RECQL4: variants seen among roughly 807,000 people sequenced by gnomAD.
RECQL4 encodes ATP-dependent DNA helicase Q4.
RECQL4 carries 158 observed loss-of-function variants against 128.6 expected under a neutral mutation model. The ratio of observed to expected loss-of-function variants is 1.23; its 90% CI spans 1.08 to 1.40. The LOEUF is 1.40. RECQL4 is among the 40% of genes most tolerant of loss of function. The pLI, the probability that RECQL4 is intolerant of heterozygous loss-of-function variation, is 0.00. For synonymous variants in RECQL4, 996 were observed against 678.9 expected, an observed-to-expected ratio of 1.47 and a Z score of -7.26; for missense variants, 2,293 against 1,649.8, an observed-to-expected ratio of 1.39 and a Z score of -6.75.
rs763773600 is a variant in RECQL4, at chr8:144,514,286, G to A, written c.1781C>T (p.Ala594Val). 2.5e-6 allele frequency: 4 copies of A among 1,611,498 alleles called. No homozygotes were observed. In the African/African-American group the frequency reaches 4.0e-5, roughly 16 times the overall value. ...GGCAAAAGCAACTGGAGGCAGCTGT[G>A]CGGCTGGAGGGAGGCCTCCCGCCCC... ...LVGAGGLPPA[A>V]QLPPVAFACI... The change falls in exon 11 of 21, where the codon GCA (alanine) becomes GTA (valine). Residue 594 changes from alanine to valine, a missense_variant. By Grantham distance (64) the Ala-to-Val change is moderately conservative. Coordinates refer to ENST00000617875, the MANE Select transcript of RECQL4 (RefSeq NM_004260.4).
rs373739637 is a variant in RECQL4 at position 144,512,307 on chromosome 8, C to G, written c.3073G>C (p.Gly1025Arg). 6 of 1,612,264 alleles carry G rather than the reference C, an allele frequency of 3.7e-6. No homozygotes were observed. Among genetic ancestry groups the G allele is most frequent in the Non-Finnish European group, 4.2e-6 (5 of 1,179,728 alleles). ...AGCTCACTGAACTCCACAAGCACCCCTGTCCCACGCCGCACACCTGCCGGA... is the reference window on the plus strand; with the variant it reads ...AGCTCACTGAACTCCACAAGCACCCGTGTCCCACGCCGCACACCTGCCGGA... ...EPRTGVRRGT[G>R]VLVEFSELAF... is the part of the protein sequence containing the mutation. Residue 1025 changes from glycine to arginine, a missense_variant, in exon 18 of 21, where the codon GGG (glycine) becomes CGG (arginine). Gly to Arg is a moderately radical substitution (Grantham distance 125). Transcript: ENST00000617875.
rs772263907 is a variant in RECQL4, at chr8:144,515,471, G to A, written c.1259-14C>T. ...CTTCCTCACTTGCTGGGGCAGGCAG[G>A]AGAGGGTAGAATGGGAGCTCCAGGT... On this transcript the variant is annotated splice_polypyrimidine_tract_variant and intron_variant, in intron 6 of 20. Transcript: ENST00000617875. 2 of 1,612,532 alleles carry A rather than the reference G, an allele frequency of 1.2e-6. No homozygotes were observed. Among genetic ancestry groups the A allele is most frequent in the Non-Finnish European group, 1.7e-6 (2 of 1,179,810 alleles).
chr8:144,512,897 C>A lies in RECQL4; in HGVS notation c.2705G>T (p.Arg902Leu). The change falls in exon 15 of 21, where the codon CGG becomes CTG. Residue 902 changes from arginine to leucine, a missense_variant. Arg to Leu is a moderately radical substitution (Grantham distance 102). Coordinates refer to ENST00000617875, the MANE Select transcript of RECQL4 (RefSeq NM_004260.4). ...GPRRVCMGHE[R>L]ALPIQLTVQA... ...TACGGTAAGCTGTATTGGGAGTGCCCGCTCATGGCCCATGCAGACCCTTCT... is the reference window on the plus strand; with the variant it reads ...TACGGTAAGCTGTATTGGGAGTGCCAGCTCATGGCCCATGCAGACCCTTCT... 6.3e-7 allele frequency: 1 copy of A among 1,590,758 alleles called. No homozygotes were observed.
rs1586802263 is a variant in RECQL4 at position 144,513,311 on chromosome 8, C to T, written c.2370G>A (p.Gly790=). 1 of 1,601,432 alleles carries T rather than the reference C, an allele frequency of 6.2e-7. No individual in the cohort carries two copies. Among genetic ancestry groups the T allele is most frequent in the Non-Finnish European group, 8.5e-7 (1 of 1,179,426 alleles). Residue 790 remains glycine, a synonymous_variant, in exon 14 of 21, where the codon GGG becomes GGA. Coordinates refer to ENST00000617875, the MANE Select transcript of RECQL4 (RefSeq NM_004260.4). ...RPDVRAVLHL[G]LPPSFESYVQ... is the part of the protein sequence containing the mutation. ...CGTAGCTCTCGAAGCTTGGGGGCAG[C>T]CCCAGATGCAGCACAGCCCGCACAT...
intron 4 of RECQL4, 135 bp downstream of exon 4, chr8:144,516,915 G>A (rs991551760): frequency 3.3e-5 from 46 of 1,413,390 alleles, no homozygotes; most frequent in Non-Finnish European, 4.1e-5. Context: ...AAGGCCCCGA[G>A]AAGCTCCCTG....
rs765378620 is a variant in RECQL4 at position 144,513,480 on chromosome 8, C to A, written c.2201G>T (p.Gly734Val). 1.2e-6 allele frequency: 2 copies of A among 1,609,896 alleles called. No individual in the cohort carries two copies. Among genetic ancestry groups the A allele is most frequent in the African/African-American group, 1.3e-5 (1 of 74,936 alleles). Residue 734 changes from glycine (G) to valine (V), a missense_variant and splice_region_variant, in exon 14 of 21, where the codon GGT becomes GTT. Transcript: ENST00000617875. ...CTCGGCTGTGGTTTTGGGGGCACGA[C>A]CTTTGGGGAAGACAGGCAGATGGTC... is the stretch of plus-strand genomic sequence containing the variant. Reference protein sequence around the residue: ...LHAAWVPGSGGRAPKTTAEAY... With the variant: ...LHAAWVPGSGVRAPKTTAEAY...
Position 144,512,488 on chromosome 8 carries a change from ACTCCACG to A in RECQL4, c.2952_2958del (p.Val985LeufsTer57), listed in dbSNP as rs1259761865. 8.1e-6 allele frequency: 13 copies of A among 1,612,326 alleles called. No individual in the cohort carries two copies. Among genetic ancestry groups the A allele is most frequent in the Non-Finnish European group, 1.1e-5 (13 of 1,179,754 alleles). ...GAGTCCACCAGCTTGACCATGTCAA[ACTCCACG>A]GAGCTGCTGCCTTGCCCTGGGTCCT... On this transcript the variant is annotated frameshift_variant, in exon 17 of 21. Transcript: ENST00000617875. LOFTEE classifies it high-confidence loss of function.
Position 144,514,257 on chromosome 8 carries a change from T to C in RECQL4, c.1810A>G (p.Ile604Val), listed in dbSNP as rs1467801930. Reference protein sequence around the residue: ...AQLPPVAFACIDEAHCLSQWS... With the variant: ...AQLPPVAFACVDEAHCLSQWS... The stretch of plus-strand genomic sequence containing the variant: ...TGGGAGAGGCAGTGGGCCTCATCAA[T>C]GCAGGCAAAAGCAACTGGAGGCAGC... Residue 604 changes from isoleucine (I) to valine (V), a missense_variant, in exon 11 of 21, where the codon ATT (isoleucine) becomes GTT (valine). Transcript: ENST00000617875. 4 of 1,612,074 alleles carry C rather than the reference T, an allele frequency of 2.5e-6. No homozygotes were observed. The highest frequency in any genetic ancestry group is 2.5e-6 in the Non-Finnish European group (3 of 1,179,672).
rs760933755 is a variant in RECQL4, at chr8:144,517,406, C to CT, written c.213+7dup. 6.4e-7 allele frequency: 1 copy of CT among 1,563,712 alleles called. No homozygotes were observed. The highest frequency in any genetic ancestry group is 8.6e-7 in the Non-Finnish European group (1 of 1,160,396). On this transcript the variant is annotated splice_region_variant and intron_variant, in intron 3 of 20. Coordinates refer to ENST00000617875, the MANE Select transcript of RECQL4 (RefSeq NM_004260.4). ...TGGGAGGAGGCTGGGGCGGCGGGGCCTGGGTACCTCTTCGGCCGCCGCGGG... is the reference window on the plus strand; with the variant it reads ...TGGGAGGAGGCTGGGGCGGCGGGGCCTTGGGTACCTCTTCGGCCGCCGCGGG...
chr8:144,517,495 T>C lies in RECQL4; in HGVS notation c.132A>G (p.Glu44=), dbSNP rs2306386. Residue 44 remains glutamate, a synonymous_variant, in exon 3 of 21, where the codon GAA becomes GAG. Coordinates refer to ENST00000617875, the MANE Select transcript of RECQL4 (RefSeq NM_004260.4). Reference sequence around the variant, plus strand: ...CCGTGGTACGCTTCAGAGTGCGGTATTCCCGGTAGAGCGCTGCGTGGGCGA... The same window carrying C: ...CCGTGGTACGCTTCAGAGTGCGGTACTCCCGGTAGAGCGCTGCGTGGGCGA... ...APEETRALYR[E]YRTLKRTTGQ... 0.51 allele frequency: 819,183 copies of C among 1,591,644 alleles called. 213,084 individuals are homozygous for C. Among genetic ancestry groups the C allele is most frequent in the Admixed American group, 0.63 (37,053 of 58,410 alleles).
rs1060501381 is a variant in RECQL4, at chr8:144,512,003, T to G, written c.3301A>C (p.Lys1101Gln). The change falls in exon 19 of 21, where the codon AAG (lysine) becomes CAG (glutamine). Residue 1101 changes from lysine to glutamine, a missense_variant. Coordinates refer to ENST00000617875, the MANE Select transcript of RECQL4 (RefSeq NM_004260.4). ...TCAAAGTAGCGGCCGAGCAGGTCCT[T>G]GAGCCTGGTGCTGCGCTCCTCATCC... ...QQDEERSTRL[K>Q]DLLGRYFEEE... The G allele has an allele frequency of 6.2e-6, 10 of 1,609,714 alleles. No homozygotes were observed. Among genetic ancestry groups the G allele is most frequent in the Non-Finnish European group, 8.5e-6 (10 of 1,179,084 alleles).
At position 144,513,962 on chromosome 8, in the gene RECQL4, T is replaced by A; in HGVS notation, c.2024A>T (p.His675Leu). ...HGPAPVPTNL[H>L]LSVSMDRDTD... ...GTCCCTGTCCATGGACACGGAAAGG[T>A]GCAGGTTGGTGGGAACTGGGGCTGG... Residue 675 changes from histidine to leucine, a missense_variant, in exon 12 of 21, where the codon CAC (histidine) becomes CTC (leucine). By Grantham distance (99) the His-to-Leu change is moderately conservative (BLOSUM62 -3). Transcript: ENST00000617875. 1 of 1,561,236 alleles carries A rather than the reference T, an allele frequency of 6.4e-7. No individual in the cohort carries two copies. The highest frequency in any genetic ancestry group is 8.7e-7 in the Non-Finnish European group (1 of 1,153,494).
intron 2 of RECQL4, 40 bp from the exon 3 acceptor site, chr8:144,517,548 G>A (rs781309438): frequency 6.5e-7 from 1 of 1,527,234 alleles, no homozygotes; most frequent in Admixed American, 2.0e-5. Flanking sequence ...GGTGGGGCCT[G>A]GGCCCCTGCC....
In RECQL4 at chr8:144,515,162, G is replaced by A. The variant is rs746417965; in HGVS notation, c.1471C>T (p.Arg491Trp). The A allele has an allele frequency of 2.4e-5, 37 of 1,564,696 alleles. No individual in the cohort carries two copies. The highest frequency in any genetic ancestry group is 1.7e-4 in the Middle Eastern group (1 of 6,032). Residue 491 changes from arginine to tryptophan, a missense_variant, in exon 8 of 21, where the codon CGG becomes TGG. Transcript: ENST00000617875. The part of the protein sequence containing the change: ...FRPGQERAVM[R>W]ILSGISTLLV... ...CAGCCACGCTCACCAGACAGGATCC[G>A]CATGACTGCACGCTCCTGCCCAGGG...
chr8:144,514,753 G>A (rs761807770), intron 9 of RECQL4, among the ~76,000 whole-genome samples, 183 bp downstream of exon 9: 6 of 152,224 alleles, frequency 3.9e-5, no homozygotes, highest in Non-Finnish European at 7.3e-5. Flanking sequence ...TTCCCGTAGG[G>A]GTGGCTGTGG....
At chr8:144,515,722 C>T (rs1828065555) in intron 6 of RECQL4, 42 bp downstream of exon 6, 4 of 1,604,094 alleles carry the variant, frequency 2.5e-6, no homozygotes, top group Middle Eastern at 1.7e-4. Flanking sequence ...GCGCCCTCTC[C>T]ACAGTGTTGG....
rs766197579 is a variant in RECQL4 at position 144,512,489 on chromosome 8, C to T, written c.2958G>A (p.Glu986=). ...AGTCCACCAGCTTGACCATGTCAAA[C>T]TCCACGGAGCTGCTGCCTTGCCCTG... ...EDPGQGSSSV[E]FDMVKLVDSM... Residue 986 remains glutamate (E), a synonymous_variant, in exon 17 of 21, where the codon GAG becomes GAA. Transcript: ENST00000617875. The T allele has an allele frequency of 5.0e-6, 8 of 1,612,468 alleles. No homozygotes were observed. The South Asian group carries it at 6.6e-5, about 13-fold the overall frequency.
intron 10 of RECQL4, 23 bp from the exon 11 acceptor site, chr8:144,514,385 C>T (rs535474532): frequency 3.1e-6 from 5 of 1,599,550 alleles, no homozygotes; most frequent in African/African-American, 1.3e-5. Context: ...AGATCAGAGG[C>T]ACAGCCCAGG....
chr8:144,513,205 G>C lies in RECQL4; in HGVS notation c.2463+13C>G, dbSNP rs1470178984. The C allele has an allele frequency of 1.3e-6, 2 of 1,563,170 alleles. No homozygotes were observed. The highest frequency in any genetic ancestry group is 2.3e-5 in the East Asian group (1 of 44,012). On this transcript the variant is annotated intron_variant, in intron 14 of 20. Transcript: ENST00000617875. Reference sequence around the variant, plus strand: ...GCTCGAGCACTGGCAGTGTGGGGGGGGGGGGTGCCAACCTGGGGCTGCAGG... The same window carrying C: ...GCTCGAGCACTGGCAGTGTGGGGGGCGGGGGTGCCAACCTGGGGCTGCAGG...
Sources: gnomAD v4.1 joint callset for allele counts (sites outside exome capture counted in the v4.1 genomes callset) on GRCh38, gnomAD v4.1.1 for gene constraint, MANE v1.5 for transcripts, NCBI Gene and HGNC (gene_info 2026-07-23, HGNC 2026-07-21) for gene names.